STARD10: variants seen among roughly 807,000 people sequenced by gnomAD.
STARD10 encodes StAR related lipid transfer domain containing 10.
A neutral mutation model predicts 36.0 loss-of-function variants in STARD10; 24 were observed. The ratio of observed to expected loss-of-function variants is 0.67; its 90% CI spans 0.48 to 0.94. The LOEUF is 0.94. Among genes scored for constraint, STARD10 ranks in the 40% least tolerant of loss-of-function variants. The pLI is 0.00. For missense variants in STARD10, 335 were observed against 396.6 expected (o/e 0.84, Z 1.32); for synonymous variants, 156 against 161.9 (o/e 0.96, Z 0.28).
chr11:72,786,665 C>T (rs1487664727), intron 1 of STARD10, among the ~76,000 whole-genome samples: 1 of 152,150 alleles, frequency 6.6e-6, no homozygotes, highest in Admixed American at 6.5e-5. Flanking sequence ...TGTCACAGTC[C>T]CATACAGAAA....
intron 2 of STARD10, among the ~76,000 whole-genome samples, chr11:72,768,834 G>A (rs1167584379): frequency 2.0e-5 from 3 of 152,204 alleles, no homozygotes; most frequent in Non-Finnish European, 4.4e-5. Context: ...GCCTTGCAGG[G>A]GGCCTGGCCT....
chr11:72,785,987 A>G (rs530786426), intron 1 of STARD10: 2 of 151,954 alleles, frequency 1.3e-5, no homozygotes, highest in African/African-American at 4.8e-5. Flanking sequence ...GCACTGTTCT[A>G]GAAGATTAGG....
chr11:72,761,598 A>G (rs903082332), intron 2 of STARD10, among the ~76,000 whole-genome samples: 2 of 152,120 alleles, frequency 1.3e-5, no homozygotes, highest in African/African-American at 4.8e-5. Flanking sequence ...TACAAAAATT[A>G]TCTGGGCGTA....
intron 1 of STARD10, among the ~76,000 whole-genome samples, chr11:72,783,019 A>T (rs953215305): frequency 6.6e-6 from 1 of 152,200 alleles, no homozygotes; most frequent in Non-Finnish European, 1.5e-5. Flanking sequence ...AAAGGGAATC[A>T]GAATGGATAA....
intron 2 of STARD10, among the ~76,000 whole-genome samples, chr11:72,763,296 T>C (rs1352352288): frequency 6.6e-6 from 1 of 152,246 alleles, no homozygotes; most frequent in African/African-American, 2.4e-5. Flanking sequence ...AATGGAATGT[T>C]TGATGAGGAA....
At position 72,754,739 on chromosome 11, in the gene STARD10, G is replaced by T; in HGVS notation, c.*158C>A. 8.8e-7 allele frequency: 1 copy of T among 1,136,218 alleles called. No homozygotes were observed. The highest frequency in any genetic ancestry group is 1.3e-6 in the Non-Finnish European group (1 of 788,842). The allele number at this position is 1,136,218 out of a possible 1,614,324, so 70.4% of individuals were successfully genotyped here. ...CAGTGATGAGCCGGCTGAGGCTGTG[G>T]GATCGTTTATTGGGGCTCTGTCCAG... is the stretch of plus-strand genomic sequence containing the variant. On this transcript the variant is annotated 3_prime_UTR_variant, in exon 7 of 7. Coordinates refer to ENST00000334805, the MANE Select transcript of STARD10 (RefSeq NM_006645.3).
intron 2 of STARD10, among the ~76,000 whole-genome samples, chr11:72,760,076 T>A (rs1268566018): frequency 3.3e-5 from 5 of 151,664 alleles, no homozygotes. Context: ...CTAATTTTTG[T>A]ATTTTTAGTA....
intron 2 of STARD10, among the ~76,000 whole-genome samples, chr11:72,760,570 A>G (rs549805498): frequency 1.3e-3 from 202 of 152,270 alleles, no homozygotes; most frequent in African/African-American, 4.6e-3. Context: ...AGAGCTTTCC[A>G]TCTGGGTAGA....
chr11:72,762,554 C>T (rs2135612508), intron 2 of STARD10, among the ~76,000 whole-genome samples: 2 of 152,094 alleles, frequency 1.3e-5, no homozygotes, highest in South Asian at 4.1e-4. Flanking sequence ...AATCAGCAGC[C>T]CCCAGCTCCA....
At chr11:72,765,033 C>T (rs1484089693) in intron 2 of STARD10, among the ~76,000 whole-genome samples, 2 of 152,132 alleles carry the variant, frequency 1.3e-5, no homozygotes, top group African/African-American at 2.4e-5. Context: ...TTCGGGAGGC[C>T]GAGGCGGGCA....
At chr11:72,788,411 C>T (rs1015422026) in intron 1 of STARD10, among the ~76,000 whole-genome samples, 4 of 152,148 alleles carry the variant, frequency 2.6e-5, no homozygotes, top group African/African-American at 9.7e-5. Flanking sequence ...TCCAGGAGCA[C>T]GAGTGACTGA....
At position 72,780,897 on chromosome 11, in the gene STARD10, C is replaced by T. The variant is rs77876186; in HGVS notation, c.207+78G>A. ...CAGATATACAGCCAGGTGTCTAGCCCGGAGAGAGGACCAGGAGACTCCGGG... is the reference window on the plus strand; with the variant it reads ...CAGATATACAGCCAGGTGTCTAGCCTGGAGAGAGGACCAGGAGACTCCGGG... On this transcript the variant is annotated intron_variant, in intron 2 of 6. Coordinates refer to ENST00000334805, the MANE Select transcript of STARD10 (RefSeq NM_006645.3). The T allele has an allele frequency of 2.5e-3, 3,659 of 1,459,234 alleles. 7 individuals are homozygous for T. The highest frequency in any genetic ancestry group is 3.1e-3 in the Non-Finnish European group (3,191 of 1,041,024). 90.4% of individuals were successfully genotyped at this position (1,459,234 alleles called of 1,614,324 possible).
intron 2 of STARD10, among the ~76,000 whole-genome samples, chr11:72,779,732 C>T (rs1858967993): frequency 6.6e-6 from 1 of 152,084 alleles, no homozygotes; most frequent in Non-Finnish European, 1.5e-5. Context: ...GTGGGAGACA[C>T]ACATGGAAAC....
intron 1 of STARD10, among the ~76,000 whole-genome samples, chr11:72,789,769 A>C (rs1270894028): frequency 1.3e-5 from 2 of 152,196 alleles, no homozygotes; most frequent in Non-Finnish European, 2.9e-5. Context: ...CCACACCTGG[A>C]ACAGGCCTGC....
intron 2 of STARD10, among the ~76,000 whole-genome samples, chr11:72,773,078 T>G (rs1386454546): frequency 2.6e-5 from 4 of 152,204 alleles, no homozygotes; most frequent in African/African-American, 9.7e-5. Context: ...GAGAAGAGGT[T>G]TGTTGAATGA....
intron 2 of STARD10, among the ~76,000 whole-genome samples, chr11:72,779,317 T>G: frequency 6.6e-6 from 1 of 152,182 alleles, no homozygotes; most frequent in East Asian, 1.9e-4. Context: ...TCTAACTGTG[T>G]TGGATGCTGG....
chr11:72,787,055 G>A (rs1859082159), intron 1 of STARD10, among the ~76,000 whole-genome samples: 1 of 139,800 alleles, frequency 7.2e-6, no homozygotes, highest in South Asian at 2.3e-4. Context: ...CTGCACTCTA[G>A]CCTGGGTGAC....
chr11:72,769,977 A>G (rs1200580325), intron 2 of STARD10, among the ~76,000 whole-genome samples: 1 of 152,194 alleles, frequency 6.6e-6, no homozygotes, highest in African/African-American at 2.4e-5. Flanking sequence ...ATAATTCTGT[A>G]GCAATATGAG....
In STARD10 at chr11:72,757,145, C is replaced by CAAA. The variant is rs34839119; in HGVS notation, c.577+619_577+621dup. Among the ~76,000 whole-genome samples the CAAA allele has an allele frequency of 4.9e-3, 500 of 102,142 alleles. 4 individuals are homozygous for CAAA. The highest frequency in any genetic ancestry group is 0.017 in the African/African-American group (480 of 27,460). 67.0% of individuals were successfully genotyped at this position (102,142 alleles called of 152,430 possible). A position where few individuals can be genotyped will look rare whatever the true frequency, so the allele number is the denominator to read the frequency against. ...GGGAAACAAGAGTGAAACTCTGTCT[C>CAAA]AAAAAAAAAAAAAAAAAAAAAATCA... On this transcript the variant is annotated intron_variant, in intron 5 of 6. Coordinates refer to ENST00000334805, the MANE Select transcript of STARD10 (RefSeq NM_006645.3).
Sources: gnomAD v4.1 joint callset for allele counts (sites outside exome capture counted in the v4.1 genomes callset) on GRCh38, gnomAD v4.1.1 for gene constraint, MANE v1.5 for transcripts, NCBI Gene and HGNC (gene_info 2026-07-23, HGNC 2026-07-21) for gene names.